VPS13B: variants seen among roughly 807,000 people sequenced by gnomAD.
VPS13B encodes intermembrane lipid transfer protein VPS13B.
Under a neutral mutation model 426.4 loss-of-function variants are expected in VPS13B, and 285 were observed. That is an observed-to-expected ratio of 0.67 (90% CI 0.61 to 0.74). The LOEUF (loss-of-function observed/expected upper bound fraction) is 0.74. Ranked by LOEUF, VPS13B falls within the 30% of genes least tolerant of loss-of-function variation. VPS13B has a pLI of 0.00. For synonymous variants in VPS13B, 1,676 were observed against 1,676.4 expected (o/e 1.00, Z 0.01); for missense variants, 4,537 against 4,782.6 (o/e 0.95, Z 1.51).
At chr8:99,800,120 G>A (rs1005009266) in intron 43 of VPS13B, among the ~76,000 whole-genome samples, 3 of 152,096 alleles carry the variant, frequency 2.0e-5, no homozygotes, top group African/African-American at 7.2e-5. Context: ...CATAACTTAA[G>A]CAATCAAAGT....
At chr8:99,505,730 G>A (rs192154599) in intron 27 of VPS13B, among the ~76,000 whole-genome samples, 3 of 152,192 alleles carry the variant, frequency 2.0e-5, no homozygotes, top group Admixed American at 2.0e-4. Flanking sequence ...ATATATTGTT[G>A]GAAAAAACGC....
rs537204628 is a variant in VPS13B, at chr8:99,132,613, A to G, written c.1207-2019A>G. 2.0e-5 allele frequency among the ~76,000 whole-genome samples: 3 copies of G among 151,874 alleles called. No homozygotes were observed. In the East Asian group the frequency reaches 5.8e-4, roughly 29 times the overall value. On this transcript the variant is annotated intron_variant, in intron 8 of 61. Transcript: ENST00000357162. Reference sequence around the variant, plus strand: ...GCCTAGATCCATCAGAGGAATCACTATCTATGGTGGCTATAGCCTTACGAA... The same window carrying G: ...GCCTAGATCCATCAGAGGAATCACTGTCTATGGTGGCTATAGCCTTACGAA...
chr8:99,627,417 T>C (rs1012424022), intron 33 of VPS13B, among the ~76,000 whole-genome samples: 1 of 152,092 alleles, frequency 6.6e-6, no homozygotes, highest in Non-Finnish European at 1.5e-5. Flanking sequence ...ATTTTTATTT[T>C]ATTTATTTAT....
chr8:99,245,616 A>G (rs1452171703), intron 17 of VPS13B, among the ~76,000 whole-genome samples: 2 of 152,186 alleles, frequency 1.3e-5, no homozygotes, highest in African/African-American at 4.8e-5. Flanking sequence ...GCTGGAGTAC[A>G]GTGGTGCGAT....
intron 30 of VPS13B, among the ~76,000 whole-genome samples, chr8:99,543,515 G>A (rs1194153488): frequency 3.3e-5 from 5 of 151,978 alleles, no homozygotes; most frequent in African/African-American, 1.2e-4. Flanking sequence ...TACCATCAGA[G>A]TGAATAGGCA....
intron 35 of VPS13B, 50 bp from the exon 36 acceptor site, chr8:99,699,475 T>C (rs1402424584): frequency 1.9e-6 from 3 of 1,592,768 alleles, no homozygotes; most frequent in Non-Finnish European, 1.7e-6. Context: ...TAAAGGCTTG[T>C]ATTCAGTAAG....
intron 28 of VPS13B, among the ~76,000 whole-genome samples, chr8:99,509,591 G>A (rs900828700): frequency 4.6e-5 from 7 of 152,080 alleles, no homozygotes; most frequent in African/African-American, 1.7e-4. Context: ...TTGAAATGTA[G>A]GAGTGATGGG....
chr8:99,190,065 T>A (rs1445781580), intron 16 of VPS13B, among the ~76,000 whole-genome samples: 1 of 152,166 alleles, frequency 6.6e-6, no homozygotes, highest in East Asian at 1.9e-4. Context: ...ATTTGTCTAT[T>A]CCTGTTTTCA....
At chr8:99,345,286 A>G (rs866795645) in intron 19 of VPS13B, among the ~76,000 whole-genome samples, 3 of 152,140 alleles carry the variant, frequency 2.0e-5, no homozygotes, top group South Asian at 4.1e-4. Context: ...AGTTCTTGGT[A>G]TCTTCTAGAG....
chr8:99,519,174 G>T (rs1588457234), intron 29 of VPS13B, among the ~76,000 whole-genome samples: 1 of 152,094 alleles, frequency 6.6e-6, no homozygotes, highest in East Asian at 1.9e-4. Flanking sequence ...TTTTTGATGG[G>T]GTTGTTTTTT....
At chr8:99,045,402 T>G (rs1214606986) in intron 3 of VPS13B, among the ~76,000 whole-genome samples, 2 of 5,658 alleles carry the variant, frequency 3.5e-4, no homozygotes, top group Non-Finnish European at 1.1e-3. Context: ...ATGGGATTGT[T>G]TTTTTTTTCT....
chr8:99,281,801 C>T (rs959619443), intron 19 of VPS13B, among the ~76,000 whole-genome samples: 3 of 152,138 alleles, frequency 2.0e-5, no homozygotes, highest in South Asian at 4.1e-4. Flanking sequence ...TTCCCCTCCT[C>T]GAAGATGTTT....
chr8:99,457,456 C>G (rs1461960041), intron 23 of VPS13B, among the ~76,000 whole-genome samples: 1 of 152,156 alleles, frequency 6.6e-6, no homozygotes, highest in African/African-American at 2.4e-5. Context: ...GTGATATTCT[C>G]TCATTCCTCA....
chr8:99,077,285 G>T (rs1371603525), intron 3 of VPS13B, among the ~76,000 whole-genome samples: 1 of 152,002 alleles, frequency 6.6e-6, no homozygotes. Flanking sequence ...TGATTCTCTT[G>T]CCTCAGCCTC....
At chr8:99,775,979 G>C (rs1279059894) in intron 40 of VPS13B, among the ~76,000 whole-genome samples, 1 of 152,164 alleles carries the variant, frequency 6.6e-6, no homozygotes, top group East Asian at 1.9e-4. Context: ...CCCATGCATT[G>C]TAATTGTCCA....
At chr8:99,718,114 C>T (rs1330244138) in intron 37 of VPS13B, among the ~76,000 whole-genome samples, 1 of 151,716 alleles carries the variant, frequency 6.6e-6, no homozygotes, top group Non-Finnish European at 1.5e-5. Context: ...GGGTCTTCCT[C>T]TGTCACCCAG....
intron 39 of VPS13B, among the ~76,000 whole-genome samples, chr8:99,742,900 G>A (rs1809831042): frequency 2.0e-5 from 3 of 151,656 alleles, no homozygotes; most frequent in Non-Finnish European, 4.4e-5. Context: ...GAAGCACTCT[G>A]TTTGAAAACT....
At chr8:99,747,558 T>G (rs966212925) in intron 39 of VPS13B, among the ~76,000 whole-genome samples, 1 of 152,098 alleles carries the variant, frequency 6.6e-6, no homozygotes, top group African/African-American at 2.4e-5. Flanking sequence ...TTTGGAATTG[T>G]CAGTGTTGCA....
At chr8:99,494,588 T>G (rs1374251555) in intron 25 of VPS13B, among the ~76,000 whole-genome samples, 1 of 152,132 alleles carries the variant, frequency 6.6e-6, no homozygotes, top group Non-Finnish European at 1.5e-5. Flanking sequence ...TCTAAAAGTT[T>G]TCTTGGAATC....
Sources: allele counts gnomAD v4.1 joint callset (sites outside exome capture counted in the v4.1 genomes callset), GRCh38; gene constraint gnomAD v4.1.1; transcripts MANE v1.5; gene names NCBI Gene and HGNC (gene_info 2026-07-23, HGNC 2026-07-21).